GALNT13: variants seen among roughly 807,000 people sequenced by gnomAD.
GALNT13 encodes polypeptide N-acetylgalactosaminyltransferase 13.
A neutral mutation model predicts 64.2 loss-of-function variants in GALNT13; 28 were observed. The ratio of observed to expected loss-of-function variants is 0.44; its 90% CI spans 0.32 to 0.60. GALNT13 has a LOEUF of 0.60. GALNT13 is among the 20% of genes least tolerant of loss of function. The probability of loss-of-function intolerance (pLI) is 0.05; values close to 1 mark genes in which losing one functional copy is unlikely to be tolerated. For synonymous variants in GALNT13, 214 were observed against 224.6 expected, an observed-to-expected ratio of 0.95 and a Z score of 0.42; for missense variants, 577 against 669.8, an observed-to-expected ratio of 0.86 and a Z score of 1.53.
At chr2:153,853,672 A>G in the GALNT13 span, among the ~76,000 whole-genome samples, 2 of 151,362 alleles carry the variant, frequency 1.3e-5, no homozygotes, top group Non-Finnish European at 2.9e-5. Flanking sequence ...GTGTGATTCA[A>G]TTATATAAAT....
chr2:153,758,676 T>G, the GALNT13 span, among the ~76,000 whole-genome samples: 1 of 152,118 alleles, frequency 6.6e-6, no homozygotes. Flanking sequence ...CACTGCAACC[T>G]CCACCTCCCA....
chr2:154,369,475 G>T (rs1244352803), intron 9 of GALNT13, among the ~76,000 whole-genome samples: 2 of 152,160 alleles, frequency 1.3e-5, no homozygotes, highest in Non-Finnish European at 2.9e-5. Flanking sequence ...TTGCATGTTT[G>T]CTGATACCAT....
intron 9 of GALNT13, among the ~76,000 whole-genome samples, chr2:154,353,189 CT>C (rs1696509011): frequency 6.6e-6 from 1 of 152,066 alleles, no homozygotes; most frequent in Admixed American, 6.6e-5. Flanking sequence ...CATCATTAGG[CT>C]TTTTGTCAAT....
the GALNT13 span, among the ~76,000 whole-genome samples, chr2:153,784,145 G>A: frequency 6.6e-6 from 1 of 152,200 alleles, no homozygotes; most frequent in Non-Finnish European, 1.5e-5. Flanking sequence ...CTCAGAAGAA[G>A]ATAGGAAGAT....
intron 3 of GALNT13, among the ~76,000 whole-genome samples, chr2:153,990,874 C>T (rs1001353684): frequency 1.3e-5 from 2 of 152,114 alleles, no homozygotes; most frequent in Non-Finnish European, 2.9e-5. Flanking sequence ...ATTTGAGAAG[C>T]AGATTGAAAC....
the GALNT13 span, among the ~76,000 whole-genome samples, chr2:153,593,751 T>C: frequency 1.3e-5 from 2 of 152,324 alleles, no homozygotes; most frequent in South Asian, 4.1e-4. Context: ...TAATGTTCAA[T>C]GTTCCACACC....
At chr2:153,565,543 C>T in the GALNT13 span, among the ~76,000 whole-genome samples, 1 of 151,700 alleles carries the variant, frequency 6.6e-6, no homozygotes, top group East Asian at 1.9e-4. Context: ...CATCTCCTTA[C>T]TTAATGTCAT....
chr2:153,597,045 T>A, the GALNT13 span, among the ~76,000 whole-genome samples: 2 of 152,248 alleles, frequency 1.3e-5, no homozygotes, highest in East Asian at 3.9e-4. Context: ...ATCTAAATTT[T>A]AGAAAAATTC....
chr2:153,959,136 C>T (rs768414765), intron 3 of GALNT13, among the ~76,000 whole-genome samples: 4 of 152,242 alleles, frequency 2.6e-5, no homozygotes, highest in Admixed American at 6.5e-5. Context: ...CTATAACCCA[C>T]CATACTTAGA....
At chr2:154,126,536 G>A (rs1451277429) in intron 3 of GALNT13, among the ~76,000 whole-genome samples, 2 of 151,820 alleles carry the variant, frequency 1.3e-5, no homozygotes, top group Non-Finnish European at 1.5e-5. Context: ...CAGGGAGGCT[G>A]AGGCAGGAGA....
chr2:153,479,526 A>G, the GALNT13 span, among the ~76,000 whole-genome samples: 1 of 152,164 alleles, frequency 6.6e-6, no homozygotes, highest in East Asian at 1.9e-4. Flanking sequence ...GGGTGGAGGT[A>G]GTTGCCGGGA....
chr2:153,486,712 C>T, the GALNT13 span, among the ~76,000 whole-genome samples: 5 of 152,166 alleles, frequency 3.3e-5, no homozygotes, highest in African/African-American at 1.2e-4. Context: ...TGCAGTTTTC[C>T]GAATGATACA....
At chr2:153,239,217 T>C in the GALNT13 span, among the ~76,000 whole-genome samples, 1 of 152,162 alleles carries the variant, frequency 6.6e-6, no homozygotes, top group Non-Finnish European at 1.5e-5. Flanking sequence ...ATTTATCAGT[T>C]CTAATGTTTA....
At chr2:153,256,028 G>A in the GALNT13 span, among the ~76,000 whole-genome samples, 1 of 152,062 alleles carries the variant, frequency 6.6e-6, no homozygotes, top group Admixed American at 6.6e-5. Flanking sequence ...TGCTAGATTG[G>A]GGAAGTTCTC....
chr2:154,108,154 G>GA (rs1223847775), intron 3 of GALNT13, among the ~76,000 whole-genome samples: 5 of 147,768 alleles, frequency 3.4e-5, no homozygotes, highest in African/African-American at 5.0e-5. Context: ...CTATTTTTTG[G>GA]TTTTTTTTTT....
chr2:153,969,752 A>G (rs1012642069), intron 3 of GALNT13, among the ~76,000 whole-genome samples: 1 of 152,174 alleles, frequency 6.6e-6, no homozygotes, highest in African/African-American at 2.4e-5. Flanking sequence ...TTCCTCATTC[A>G]TAACTATCAT....
chr2:153,438,218 T>C, the GALNT13 span, among the ~76,000 whole-genome samples: 1 of 152,354 alleles, frequency 6.6e-6, no homozygotes, highest in South Asian at 2.1e-4. Flanking sequence ...TGGACTTCCC[T>C]TTGTGGGTAA....
the GALNT13 span, among the ~76,000 whole-genome samples, chr2:153,298,618 T>G: frequency 1.3e-5 from 2 of 152,218 alleles, no homozygotes; most frequent in Non-Finnish European, 2.9e-5. Flanking sequence ...TCCTTACCCT[T>G]GATAACAAGA....
the GALNT13 span, among the ~76,000 whole-genome samples, chr2:153,260,148 A>G: frequency 6.6e-6 from 1 of 152,132 alleles, no homozygotes; most frequent in Non-Finnish European, 1.5e-5. Context: ...TTCTATTTAT[A>G]TCCTATTATA....
Sources: gnomAD v4.1 joint callset for allele counts (sites outside exome capture counted in the v4.1 genomes callset) on GRCh38, gnomAD v4.1.1 for gene constraint, MANE v1.5 for transcripts, NCBI Gene and HGNC (gene_info 2026-07-23, HGNC 2026-07-21) for gene names.